The following MYO18A variants were observed in gnomAD, a reference collection of about 807,000 sequenced individuals.
The protein encoded by MYO18A is myosin XVIIIA.
A neutral mutation model predicts 235.8 loss-of-function variants in MYO18A; 78 were observed. The ratio of observed to expected loss-of-function variants is 0.33; its 90% confidence interval spans 0.28 to 0.40. The LOEUF is 0.40. Among genes scored for constraint, MYO18A ranks in the 10% least tolerant of loss-of-function variants. The pLI is 1.00. For missense variants in MYO18A, 2,215 were observed against 2,699.3 expected, an observed-to-expected ratio of 0.82 and a Z score of 3.98; for synonymous variants, 977 against 1,077.8, an observed-to-expected ratio of 0.91 and a Z score of 1.83.
chr17:29,109,738 G>T lies in MYO18A; in HGVS notation c.3331+120C>A. On this transcript the variant is annotated intron_variant, in intron 19 of 41. Transcript: ENST00000527372. The surrounding 1 kb of genome is among the most constrained non-coding windows in gnomAD (Gnocchi z 4.1). ...GATGAGGAGAGACCAGAGCAGAAAGGATCGTGAGGAAAGACAGGAGCAGCC... is the reference window on the plus strand; with the variant it reads ...GATGAGGAGAGACCAGAGCAGAAAGTATCGTGAGGAAAGACAGGAGCAGCC... 1.6e-6 allele frequency: 2 copies of T among 1,273,218 alleles called. No individual in the cohort carries two copies. Among genetic ancestry groups the T allele is most frequent in the Non-Finnish European group, 2.2e-6 (2 of 919,760 alleles). The allele number at this position is 1,273,218 out of a possible 1,614,324, so 78.9% of individuals were successfully genotyped here. A position where few individuals can be genotyped will look rare whatever the true frequency, so the allele number is the denominator to read the frequency against.
intron 2 of MYO18A, among the ~76,000 whole-genome samples, chr17:29,139,490 G>A (rs2067684220): frequency 6.6e-6 from 1 of 152,098 alleles, no homozygotes. Flanking sequence ...CTGAGGCAGG[G>A]CAGTCCTGAG....
chr17:29,082,198 C>A, intron 41 of MYO18A, 118 bp downstream of exon 41: 1 of 1,361,052 alleles, frequency 7.3e-7, no homozygotes, highest in South Asian at 1.3e-5. Context: ...ATGCCCGGGC[C>A]GCAGTCACAA....
intron 40 of MYO18A, among the ~76,000 whole-genome samples, chr17:29,084,801 A>T (rs1245132350): frequency 6.9e-6 from 1 of 145,640 alleles, no homozygotes; most frequent in Non-Finnish European, 1.5e-5. Flanking sequence ...ATGCCATGCT[A>T]AAAAAAAAAG....
At position 29,090,828 on chromosome 17, in the gene MYO18A, G is replaced by A. The variant is rs1250308739; in HGVS notation, c.5286C>T (p.His1762=). The change falls in exon 35 of 42, where the codon CAC becomes CAT. Residue 1762 remains histidine (H), a synonymous_variant. Transcript: ENST00000527372. ...GGGGTACCTGAGCCACGGCAGCCTT[G>A]TGCTTCTTCATCAATTCGTTCATGT... ...QEDMNELMKK[H]KAAVAQASRD... The A allele has an allele frequency of 6.2e-7, 1 of 1,613,978 alleles. No individual in the cohort carries two copies. The highest frequency in any genetic ancestry group is 1.1e-5 in the South Asian group (1 of 91,078).
At position 29,099,003 on chromosome 17, in the gene MYO18A, C is replaced by G. The variant is rs781187522; in HGVS notation, c.3637-34G>C. The G allele has an allele frequency of 5.6e-6, 9 of 1,609,930 alleles. No homozygotes were observed. In the Admixed American group the frequency reaches 1.3e-4, roughly 24 times the overall value. Reference sequence around the variant, plus strand: ...GGGGTGGGGGTGGTGCACAGCGGGGCTCTCAGTCACCCTGGCCAAGCTCGG... The same window carrying G: ...GGGGTGGGGGTGGTGCACAGCGGGGGTCTCAGTCACCCTGGCCAAGCTCGG... On this transcript the variant is annotated intron_variant, in intron 22 of 41. Coordinates refer to ENST00000527372, the MANE Select transcript of MYO18A (RefSeq NM_078471.4).
At position 29,110,483 on chromosome 17, in the gene MYO18A, C is replaced by T. The variant is rs752915782; in HGVS notation, c.3040G>A (p.Ala1014Thr). 1 of 1,600,568 alleles carries T rather than the reference C, an allele frequency of 6.2e-7. No homozygotes were observed. Among genetic ancestry groups the T allele is most frequent in the African/African-American group, 1.3e-5 (1 of 74,874 alleles). ...SMRKTFTTGM[A>T]AVKKKSLCIQ... ...CACAGTGACTTCTTTTTGACAGCCG[C>T]CATGCCTGTGGTAAAGGTTTTCCGC... Residue 1014 changes from alanine to threonine, a missense_variant, in exon 18 of 42, where the codon GCG becomes ACG. Transcript: ENST00000527372.
chr17:29,085,530 G>A (rs943447740), intron 40 of MYO18A, 74 bp downstream of exon 40: 1 of 1,397,166 alleles, frequency 7.2e-7, no homozygotes, highest in Non-Finnish European at 1.0e-6. Context: ...AGCGGCCCCA[G>A]GGTGGGAGCC....
chr17:29,148,653 G>A (rs553385175), intron 2 of MYO18A, among the ~76,000 whole-genome samples: 113 of 152,042 alleles, frequency 7.4e-4, no homozygotes, highest in African/African-American at 2.7e-3. Context: ...AAACAGTAGT[G>A]TTAGGAGACA....
At chr17:29,099,903 C>A in intron 21 of MYO18A, 141 bp from the exon 22 acceptor site, 1 of 1,236,506 alleles carries the variant, frequency 8.1e-7, no homozygotes, top group Non-Finnish European at 1.1e-6. Flanking sequence ...TCCAATTGTC[C>A]AAGAGAGGAG....
chr17:29,073,845 C>T lies in MYO18A; in HGVS notation c.*925G>A, dbSNP rs1437408855. 3 of 1,576,894 alleles carry T rather than the reference C, an allele frequency of 1.9e-6. No homozygotes were observed. Among genetic ancestry groups the T allele is most frequent in the Non-Finnish European group, 2.6e-6 (3 of 1,154,400 alleles). ...CTTCCATCTTCAGTTTTTCTGATCA[C>T]AAGTCCTCAACCCCAAGCCTTCCCT... On this transcript the variant is annotated 3_prime_UTR_variant, in exon 42 of 42. Transcript: ENST00000527372.
At chr17:29,179,945 C>T (rs897137485) in intron 1 of MYO18A, among the ~76,000 whole-genome samples, 1 of 152,118 alleles carries the variant, frequency 6.6e-6, no homozygotes, top group Non-Finnish European at 1.5e-5. Flanking sequence ...AGAAGTCCCC[C>T]CACCCTCGAG....
At chr17:29,139,783 T>C (rs1438847707) in intron 2 of MYO18A, among the ~76,000 whole-genome samples, 1 of 152,138 alleles carries the variant, frequency 6.6e-6, no homozygotes, top group Non-Finnish European at 1.5e-5. Flanking sequence ...GCAAGTGTCC[T>C]ATGCACAGAA....
chr17:29,177,592 G>A (rs2068561771), intron 1 of MYO18A, among the ~76,000 whole-genome samples: 1 of 152,110 alleles, frequency 6.6e-6, no homozygotes, highest in Non-Finnish European at 1.5e-5. Context: ...GGGGTGGGGT[G>A]TGCAGATCTT....
At position 29,090,846 on chromosome 17, in the gene MYO18A, G is replaced by A. The variant is rs369121141; in HGVS notation, c.5268C>T (p.Asn1756=). Residue 1756 remains asparagine (N), a synonymous_variant, in exon 35 of 42, where the codon AAC becomes AAT. Transcript: ENST00000527372. The part of the protein sequence containing the change: ...NRLEEDQEDM[N]ELMKKHKAAV... ...CAGCCTTGTGCTTCTTCATCAATTC[G>A]TTCATGTCTTCCTGATCTTCCTCCA... 83 of 1,613,926 alleles carry A rather than the reference G, an allele frequency of 5.1e-5. No homozygotes were observed. The highest frequency in any genetic ancestry group is 1.6e-4 in the Middle Eastern group (1 of 6,084).
chr17:29,080,809 T>C (rs1318287088), intron 41 of MYO18A: 29 of 985,136 alleles, frequency 2.9e-5, no homozygotes, highest in Non-Finnish European at 3.5e-5. Context: ...GCATGGCTCC[T>C]CCCTGGGGCC....
chr17:29,089,909 G>A lies in MYO18A; in HGVS notation c.5526+52C>T, dbSNP rs1408602940. On this transcript the variant is annotated intron_variant, in intron 37 of 41. Transcript: ENST00000527372. The stretch of plus-strand genomic sequence containing the variant: ...CCTGCTGAGCATGCGCGGCTCCAGC[G>A]CTGGGGCAGCTCTGCCCTGTTTGGT... The A allele has an allele frequency of 4.3e-6, 7 of 1,609,618 alleles. No individual in the cohort carries two copies. In the African/African-American group the frequency reaches 6.7e-5, roughly 15 times the overall value.
intron 2 of MYO18A, among the ~76,000 whole-genome samples, chr17:29,156,458 TG>T (rs2068068563): frequency 6.6e-6 from 1 of 152,090 alleles, no homozygotes; most frequent in South Asian, 2.1e-4. Flanking sequence ...CTGTGAGAGA[TG>T]CCAGGCCCCA....
intron 1 of MYO18A, among the ~76,000 whole-genome samples, chr17:29,179,519 T>C (rs373301923): frequency 9.0e-4 from 137 of 152,194 alleles, no homozygotes; most frequent in Admixed American, 1.5e-3. Context: ...CCCTTCCCAT[T>C]GGCGAAACAA....
At chr17:29,154,987 G>A (rs2068036583) in intron 2 of MYO18A, among the ~76,000 whole-genome samples, 1 of 152,184 alleles carries the variant, frequency 6.6e-6, no homozygotes, top group Admixed American at 6.5e-5. Context: ...AGGTTCTACT[G>A]GAATCTCTAG....
Sources: allele counts gnomAD v4.1 joint callset (sites outside exome capture counted in the v4.1 genomes callset), GRCh38; gene constraint gnomAD v4.1.1; non-coding constraint Gnocchi (gnomAD v3.1); transcripts MANE v1.5; gene names NCBI Gene and HGNC (gene_info 2026-07-23, HGNC 2026-07-21).